The following MYO3B variants were observed in gnomAD, a reference collection of about 807,000 sequenced individuals.
The protein encoded by MYO3B is myosin IIIB.
Under a neutral mutation model 174.6 loss-of-function variants are expected in MYO3B, and 156 were observed. The ratio of observed to expected loss-of-function variants is 0.89; its 90% CI spans 0.78 to 1.02. The LOEUF (loss-of-function observed/expected upper bound fraction) is 1.02, where lower values mean the gene tolerates loss of function less well. MYO3B is among the 50% of genes least tolerant of loss of function. MYO3B has a pLI of 0.00. For missense variants in MYO3B, 1,632 were observed against 1,639.4 expected (o/e 1.00, Z 0.08); for synonymous variants, 563 against 569.1 (o/e 0.99, Z 0.15).
chr2:170,330,959 G>T (rs76477579), intron 7 of MYO3B, among the ~76,000 whole-genome samples: 1,595 of 152,294 alleles, frequency 0.01, 25 homozygotes, highest in African/African-American at 0.037. Context: ...ACATGTATAT[G>T]TTTGTGTGAA....
intron 32 of MYO3B, among the ~76,000 whole-genome samples, chr2:170,650,786 C>T (rs1698952689): frequency 7.0e-6 from 1 of 143,594 alleles, no homozygotes; most frequent in Non-Finnish European, 1.5e-5. Context: ...CGGGTTCAAG[C>T]TATTCTCCTG....
intron 7 of MYO3B, among the ~76,000 whole-genome samples, chr2:170,251,339 TGAA>T (rs1168840387): frequency 6.6e-6 from 1 of 152,050 alleles, no homozygotes; most frequent in African/African-American, 2.4e-5. Context: ...AGGGCAAGCT[TGAA>T]GAGATCTGCA....
At chr2:170,333,180 G>A (rs1232961590) in intron 7 of MYO3B, among the ~76,000 whole-genome samples, 1 of 152,140 alleles carries the variant, frequency 6.6e-6, no homozygotes, top group Non-Finnish European at 1.5e-5. Flanking sequence ...CTAGGATAAC[G>A]GACTCACTGA....
chr2:170,497,131 C>T (rs1483817306), intron 25 of MYO3B, among the ~76,000 whole-genome samples: 3 of 152,144 alleles, frequency 2.0e-5, no homozygotes, highest in Admixed American at 6.5e-5. Context: ...AAGACCCACA[C>T]GTGAAAGGTA....
chr2:170,502,385 A>G (rs1406023199), intron 28 of MYO3B, among the ~76,000 whole-genome samples: 6 of 152,238 alleles, frequency 3.9e-5, no homozygotes, highest in Admixed American at 2.0e-4. Flanking sequence ...CAGAGGAGGA[A>G]TCACTCAGGG....
At chr2:170,348,673 A>T (rs1048709633) in intron 8 of MYO3B, 2 of 152,222 alleles carry the variant, frequency 1.3e-5, no homozygotes, top group Non-Finnish European at 2.9e-5. Context: ...GGTGACATGG[A>T]TGACCACACT....
chr2:170,199,003 GC>G (rs1324594190), intron 1 of MYO3B, among the ~76,000 whole-genome samples: 1 of 152,098 alleles, frequency 6.6e-6, no homozygotes, highest in Non-Finnish European at 1.5e-5. Context: ...ATGTTTCAGA[GC>G]CATGTTACTC....
chr2:170,623,868 A>G (rs1160776637), intron 32 of MYO3B, among the ~76,000 whole-genome samples: 2 of 152,200 alleles, frequency 1.3e-5, no homozygotes, highest in Non-Finnish European at 2.9e-5. Flanking sequence ...AGGTTTGTCA[A>G]AGATCAGGTA....
chr2:170,424,246 A>G (rs1467808798), intron 22 of MYO3B, among the ~76,000 whole-genome samples: 2 of 152,202 alleles, frequency 1.3e-5, no homozygotes, highest in Admixed American at 6.5e-5. Context: ...ACATCCTTCC[A>G]GTGTGGATCT....
intron 7 of MYO3B, among the ~76,000 whole-genome samples, chr2:170,283,465 C>T (rs1253768514): frequency 2.0e-5 from 3 of 152,134 alleles, no homozygotes; most frequent in African/African-American, 4.8e-5. Context: ...TGCAGAAGTT[C>T]GTGTCCTGTA....
Position 170,368,466 on chromosome 2 carries a change from G to A in MYO3B, c.816-756G>A, listed in dbSNP as rs936820709. On this transcript the variant is annotated intron_variant, in intron 8 of 34. Transcript: ENST00000408978. ...CAAATCATCTTGAATAACACAGAAG[G>A]TGCAGCAAAATGTACTGAATCATTG... 2.0e-5 allele frequency among the ~76,000 whole-genome samples: 3 copies of A among 152,192 alleles called. No homozygotes were observed. The East Asian group carries it at 5.8e-4, about 29-fold the overall frequency.
chr2:170,627,832 C>G (rs1696588881), intron 32 of MYO3B, among the ~76,000 whole-genome samples: 1 of 152,226 alleles, frequency 6.6e-6, no homozygotes, highest in Admixed American at 6.5e-5. Context: ...CCCTGTTTGC[C>G]TGGGTATCAC....
intron 27 of MYO3B, among the ~76,000 whole-genome samples, chr2:170,501,386 C>A (rs1053997902): frequency 6.6e-6 from 1 of 152,170 alleles, no homozygotes; most frequent in African/African-American, 2.4e-5. Context: ...TTGAAAGGGT[C>A]AGGCTATTCC....
At chr2:170,290,341 T>C (rs529786678) in intron 7 of MYO3B, among the ~76,000 whole-genome samples, 8 of 152,300 alleles carry the variant, frequency 5.3e-5, no homozygotes, top group Non-Finnish European at 1.2e-4. Flanking sequence ...AATTTTTCCT[T>C]TATATACTTG....
Position 170,589,639 on chromosome 2 carries a change from G to A in MYO3B, c.3733+45651G>A, listed in dbSNP as rs541921392. Reference sequence around the variant, plus strand: ...ATGTTTTTGTACAGCTGCACAATGTGTTTATGTTTTGAGCTAAGTGTTATT... The same window carrying A: ...ATGTTTTTGTACAGCTGCACAATGTATTTATGTTTTGAGCTAAGTGTTATT... On this transcript the variant is annotated intron_variant, in intron 32 of 34. Transcript: ENST00000408978. Among the ~76,000 whole-genome samples, 16 of 152,282 alleles carry A rather than the reference G, an allele frequency of 1.1e-4. No homozygotes were observed. The South Asian group carries it at 3.3e-3, about 32-fold the overall frequency.
intron 7 of MYO3B, among the ~76,000 whole-genome samples, chr2:170,282,238 T>A (rs139467146): frequency 6.6e-5 from 10 of 152,274 alleles, no homozygotes; most frequent in African/African-American, 2.4e-4. Flanking sequence ...TAGTTTGGGG[T>A]CTTAAATTTA....
intron 14 of MYO3B, among the ~76,000 whole-genome samples, chr2:170,389,849 T>C (rs2094399837): frequency 6.6e-6 from 1 of 152,146 alleles, no homozygotes; most frequent in Non-Finnish European, 1.5e-5. Context: ...CTCCAGAATA[T>C]ATATAATATT....
chr2:170,226,129 T>C (rs1419219406), intron 6 of MYO3B, among the ~76,000 whole-genome samples: 4 of 152,190 alleles, frequency 2.6e-5, no homozygotes, highest in Non-Finnish European at 5.9e-5. Context: ...GTTGATGCCG[T>C]GGCTGCTAGG....
At position 170,286,237 on chromosome 2, in the gene MYO3B, C is replaced by T. The variant is rs142849367; in HGVS notation, c.750-49148C>T. Among the ~76,000 whole-genome samples the T allele has an allele frequency of 1.5e-3, 225 of 152,306 alleles. 1 individual carries two copies. The highest frequency in any genetic ancestry group is 4.9e-3 in the African/African-American group (202 of 41,572). ...ATGTAAAGGAAATGGACAGGTTTCTCCGTTGCTCTGTTTTATCTCATTGAA... is the reference window on the plus strand; with the variant it reads ...ATGTAAAGGAAATGGACAGGTTTCTTCGTTGCTCTGTTTTATCTCATTGAA... On this transcript the variant is annotated intron_variant, in intron 7 of 34. Coordinates refer to ENST00000408978, the MANE Select transcript of MYO3B (RefSeq NM_138995.5).
Sources: gnomAD v4.1 joint callset for allele counts (sites outside exome capture counted in the v4.1 genomes callset) on GRCh38, gnomAD v4.1.1 for gene constraint, MANE v1.5 for transcripts, NCBI Gene and HGNC (gene_info 2026-07-23, HGNC 2026-07-21) for gene names.